The following DOCK1 variants were observed in gnomAD, a reference collection of about 807,000 sequenced individuals.
DOCK1 encodes the protein dedicator of cytokinesis 1.
Under a neutral mutation model 262.7 loss-of-function variants are expected in DOCK1, and 138 were observed. The observed-to-expected ratio is 0.53, with a 90% CI of 0.46 to 0.61. DOCK1 has a LOEUF of 0.61. Among genes scored for constraint, DOCK1 ranks in the 20% least tolerant of loss-of-function variants. DOCK1 has a pLI of 0.00. For missense variants in DOCK1, 1,908 were observed against 2,370.7 expected, an observed-to-expected ratio of 0.80 and a Z score of 4.05; for synonymous variants, 866 against 867.4, an observed-to-expected ratio of 1.00 and a Z score of 0.03.
intron 5 of DOCK1, chr10:126,988,256 G>A (rs1239206744): frequency 6.6e-6 from 1 of 152,158 alleles, no homozygotes; most frequent in African/African-American, 2.4e-5. Flanking sequence ...CATATTTGCA[G>A]TAGATTACCT....
chr10:127,405,253 T>G (rs2067452169), intron 40 of DOCK1, among the ~76,000 whole-genome samples: 4 of 152,168 alleles, frequency 2.6e-5, no homozygotes, highest in Admixed American at 2.6e-4. Flanking sequence ...AGACATGTAA[T>G]TGAAGCAGTA....
intron 29 of DOCK1, among the ~76,000 whole-genome samples, chr10:127,317,027 A>G (rs1339989162): frequency 3.3e-5 from 5 of 152,190 alleles, no homozygotes; most frequent in Non-Finnish European, 5.9e-5. Flanking sequence ...TATACACGCC[A>G]TATCATTTTC....
chr10:127,448,546 G>A (rs960328157), intron 51 of DOCK1, among the ~76,000 whole-genome samples: 8 of 152,182 alleles, frequency 5.3e-5, no homozygotes, highest in African/African-American at 7.2e-5. Flanking sequence ...GGAGGCGGGC[G>A]AGCGATTGAC....
At chr10:126,997,179 C>G (rs1276779556) in intron 7 of DOCK1, among the ~76,000 whole-genome samples, 1 of 152,138 alleles carries the variant, frequency 6.6e-6, no homozygotes, top group African/African-American at 2.4e-5. Flanking sequence ...TGCATTTCCT[C>G]TCGGATAATG....
rs10525314 is a variant in DOCK1, at chr10:127,280,009, C to CATATATATATATATAT, written c.3044+22590_3044+22605dup. On this transcript the variant is annotated intron_variant, in intron 29 of 51. Coordinates refer to ENST00000623213, the MANE Select transcript of DOCK1 (RefSeq NM_001290223.2). The stretch of plus-strand genomic sequence containing the variant: ...TTTTAGTGGTTTTAAAATTTTATTT[C>CATATATATATATATAT]ATATATATATATATATATATATATA... Among the ~76,000 whole-genome samples, 473 of 114,250 alleles carry CATATATATATATATAT rather than the reference C, an allele frequency of 4.1e-3. 2 individuals carry two copies. Among genetic ancestry groups the CATATATATATATATAT allele is most frequent in the African/African-American group, 6.1e-3 (173 of 28,214 alleles). 75.0% of individuals were successfully genotyped at this position (114,250 alleles called of 152,430 possible). A position where few individuals can be genotyped will look rare whatever the true frequency, so the allele number is the denominator to read the frequency against.
At chr10:127,433,003 T>G (rs1389154289) in intron 47 of DOCK1, among the ~76,000 whole-genome samples, 2 of 152,256 alleles carry the variant, frequency 1.3e-5, no homozygotes. Flanking sequence ...GGCTTTGGAA[T>G]GTGTTGACGC....
chr10:126,920,418 G>A (rs748553667), intron 1 of DOCK1, among the ~76,000 whole-genome samples: 5 of 152,170 alleles, frequency 3.3e-5, no homozygotes, highest in South Asian at 2.1e-4. Flanking sequence ...CTTGAGTCAC[G>A]CTTCCAGCTC....
intron 23 of DOCK1, among the ~76,000 whole-genome samples, chr10:127,079,644 T>C (rs1338892486): frequency 2.0e-5 from 3 of 152,198 alleles, no homozygotes; most frequent in South Asian, 4.1e-4. Flanking sequence ...TAAAAGTCTA[T>C]TCCTGGCAGG....
intron 29 of DOCK1, among the ~76,000 whole-genome samples, chr10:127,275,513 C>T (rs551429050): frequency 2.6e-5 from 4 of 152,166 alleles, no homozygotes; most frequent in African/African-American, 7.2e-5. Context: ...GATGGTGTGT[C>T]GGGAGCTGTG....
At chr10:127,083,328 C>T (rs1436343641) in intron 23 of DOCK1, among the ~76,000 whole-genome samples, 1 of 152,184 alleles carries the variant, frequency 6.6e-6, no homozygotes, top group Non-Finnish European at 1.5e-5. Flanking sequence ...TCCCAGGACC[C>T]CTCCAAGCTG....
At chr10:127,338,674 A>G (rs778550286) in intron 29 of DOCK1, among the ~76,000 whole-genome samples, 11 of 152,204 alleles carry the variant, frequency 7.2e-5, no homozygotes, top group Non-Finnish European at 1.5e-5. Flanking sequence ...ACATTAAGAC[A>G]TGGCAACTTG....
chr10:127,002,923 C>A (rs901451090), intron 10 of DOCK1, among the ~76,000 whole-genome samples: 7 of 152,352 alleles, frequency 4.6e-5, no homozygotes, highest in Non-Finnish European at 7.3e-5. Flanking sequence ...GCCTTGTCGT[C>A]TTGCTCGTGA....
intron 1 of DOCK1, among the ~76,000 whole-genome samples, chr10:126,932,644 C>T (rs1041271058): frequency 2.9e-4 from 44 of 152,170 alleles, no homozygotes; most frequent in Admixed American, 4.6e-4. Flanking sequence ...TTCCAGAGCC[C>T]CTGTTGAGCT....
chr10:126,963,433 T>A (rs1250635247), intron 1 of DOCK1, among the ~76,000 whole-genome samples: 1 of 152,176 alleles, frequency 6.6e-6, no homozygotes, highest in African/African-American at 2.4e-5. Context: ...CCCAAGTATG[T>A]TATTGCTTTT....
intron 46 of DOCK1, among the ~76,000 whole-genome samples, chr10:127,421,485 C>T (rs2068507162): frequency 6.6e-6 from 1 of 151,712 alleles, no homozygotes. Flanking sequence ...ATAAAATTTC[C>T]CATCTTAAAC....
At chr10:127,215,803 T>C (rs1245893621) in intron 27 of DOCK1, among the ~76,000 whole-genome samples, 2 of 151,980 alleles carry the variant, frequency 1.3e-5, no homozygotes, top group African/African-American at 4.8e-5. Flanking sequence ...AACTTTACCA[T>C]AGCAAAAACA....
At chr10:127,181,558 T>C (rs905885969) in intron 27 of DOCK1, among the ~76,000 whole-genome samples, 16 of 152,290 alleles carry the variant, frequency 1.1e-4, no homozygotes, top group Admixed American at 1.0e-3. Context: ...CACAAGGGAT[T>C]GTATGAAATT....
chr10:127,282,765 C>T (rs1000569170), intron 29 of DOCK1, among the ~76,000 whole-genome samples: 12 of 152,214 alleles, frequency 7.9e-5, no homozygotes, highest in Admixed American at 4.6e-4. Context: ...CTGACATCTT[C>T]GTGAGACCTG....
chr10:126,990,535 A>G lies in DOCK1; in HGVS notation c.405A>G (p.Gly135=). Residue 135 remains glycine (G), a synonymous_variant, in exon 6 of 52, where the codon GGA becomes GGG. Coordinates refer to ENST00000623213, the MANE Select transcript of DOCK1 (RefSeq NM_001290223.2). The part of the protein sequence containing the change: ...LIEWRSQILS[G]TLPQDELKEL... ...AATGGCGATCACAAATTCTTTCTGG[A>G]ACTCTGCCTCAGGATGAACTCAAAG... 6.2e-7 allele frequency: 1 copy of G among 1,613,808 alleles called. No homozygotes were observed. Among genetic ancestry groups the G allele is most frequent in the Non-Finnish European group, 8.5e-7 (1 of 1,179,846 alleles).
Sources: allele counts gnomAD v4.1 joint callset (sites outside exome capture counted in the v4.1 genomes callset), GRCh38; gene constraint gnomAD v4.1.1; transcripts MANE v1.5; gene names NCBI Gene and HGNC (gene_info 2026-07-23, HGNC 2026-07-21).